CECR2: variants seen among roughly 807,000 people sequenced by gnomAD.
CECR2 encodes the protein CECR2 histone acetyl-lysine reader.
CECR2 carries 30 observed loss-of-function variants against 154.5 expected under a neutral mutation model. The observed-to-expected ratio is 0.19, with a 90% CI of 0.15 to 0.26. CECR2 has a LOEUF of 0.26. CECR2 is among the 10% of genes least tolerant of loss of function. The probability of loss-of-function intolerance (pLI) is 1.00; values close to 1 mark genes in which losing one functional copy is unlikely to be tolerated. For synonymous variants in CECR2, 725 were observed against 683.7 expected (o/e 1.06, Z -0.94); for missense variants, 1,743 against 1,829.3 (o/e 0.95, Z 0.86).
intron 1 of CECR2, among the ~76,000 whole-genome samples, chr22:17,435,586 G>T (rs775427729): frequency 6.7e-6 from 1 of 149,922 alleles, no homozygotes; most frequent in Non-Finnish European, 1.5e-5. Context: ...TGGGGAATTA[G>T]CAAGTTCTAT....
At chr22:17,518,806 C>G in intron 8 of CECR2, 1 of 335,626 alleles carries the variant, frequency 3.0e-6, no homozygotes, top group Non-Finnish European at 5.9e-6. Flanking sequence ...TCTTTTTTCA[C>G]CATTGGATAG....
chr22:17,367,435 G>T (rs1247237542), upstream of CECR2, among the ~76,000 whole-genome samples: 1 of 151,998 alleles, frequency 6.6e-6, no homozygotes, highest in Non-Finnish European at 1.5e-5. Flanking sequence ...GCTCAGGCTG[G>T]AGTGCAATGG....
intron 1 of CECR2, among the ~76,000 whole-genome samples, chr22:17,438,808 T>C (rs1314717443): frequency 2.0e-5 from 3 of 152,022 alleles, no homozygotes; most frequent in East Asian, 1.9e-4. Context: ...TTATTTCTTA[T>C]TGATTTTTCA....
At chr22:17,373,214 C>T (rs2063081064) in intron 1 of CECR2, among the ~76,000 whole-genome samples, 1 of 152,094 alleles carries the variant, frequency 6.6e-6, no homozygotes, top group South Asian at 2.1e-4. Flanking sequence ...AGGCATGTAC[C>T]AGCACACCCG....
At chr22:17,484,720 A>T (rs911323879) in intron 2 of CECR2, among the ~76,000 whole-genome samples, 1 of 152,152 alleles carries the variant, frequency 6.6e-6, no homozygotes, top group African/African-American at 2.4e-5. Context: ...TCTACTAAAA[A>T]TTCAAAAATT....
chr22:17,400,335 G>A lies in CECR2; in HGVS notation c.126+30426G>A, dbSNP rs146208625. On this transcript the variant is annotated intron_variant, in intron 1 of 18. Transcript: ENST00000262608. ...TTAAAAACAAAGCTGTCTGGGAAGG[G>A]CAGAACTTAGTGGCAGCCAGTCACT... Among the ~76,000 whole-genome samples, 365 of 152,310 alleles carry A rather than the reference G, an allele frequency of 2.4e-3. 2 individuals are homozygous for A. Among genetic ancestry groups the A allele is most frequent in the African/African-American group, 8.3e-3 (346 of 41,570 alleles).
At chr22:17,510,420 T>C (rs1213521570) in intron 7 of CECR2, among the ~76,000 whole-genome samples, 1 of 151,866 alleles carries the variant, frequency 6.6e-6, no homozygotes, top group East Asian at 1.9e-4. Flanking sequence ...CAGTGAGTTA[T>C]GATTGCACCA....
At chr22:17,410,570 C>T (rs930380429) in intron 1 of CECR2, among the ~76,000 whole-genome samples, 2 of 152,106 alleles carry the variant, frequency 1.3e-5, no homozygotes, top group Non-Finnish European at 1.5e-5. Context: ...GCCTCAGCCT[C>T]CTGAGTAGCT....
At chr22:17,369,434 C>G (rs1449382778), upstream of CECR2, 4 of 151,078 alleles carry the variant, frequency 2.6e-5, no homozygotes, top group South Asian at 6.2e-4. Flanking sequence ...CCAGGCCCCG[C>G]GTCCGGCCCC....
In CECR2 at chr22:17,404,523, G is replaced by A. The variant is rs573385738; in HGVS notation, c.126+34614G>A. On this transcript the variant is annotated intron_variant, in intron 1 of 18. Transcript: ENST00000262608. ...CCAGTAGCTGGGACTACAGGCGCCC[G>A]CCACTACGCCCGGCTAATTTTTTGT... Among the ~76,000 whole-genome samples the A allele has an allele frequency of 3.9e-3, 545 of 140,446 alleles. 35 individuals are homozygous for A. Among genetic ancestry groups the A allele is most frequent in the African/African-American group, 0.014 (510 of 35,910 alleles). The allele number at this position is 140,446 out of a possible 152,430, so 92.1% of individuals were successfully genotyped here. A position where few individuals can be genotyped will look rare whatever the true frequency, so the allele number is the denominator to read the frequency against.
intron 1 of CECR2, among the ~76,000 whole-genome samples, chr22:17,374,114 G>C (rs916477784): frequency 6.6e-6 from 1 of 152,176 alleles, no homozygotes; most frequent in Non-Finnish European, 1.5e-5. Context: ...CAAAATGGTC[G>C]TGTAGAATTA....
chr22:17,441,042 G>C (rs1390608889), intron 1 of CECR2, among the ~76,000 whole-genome samples: 1 of 152,028 alleles, frequency 6.6e-6, no homozygotes, highest in East Asian at 1.9e-4. Flanking sequence ...ACCACAACCC[G>C]GGTTCAAGTG....
chr22:17,445,227 C>T (rs1366635863), intron 1 of CECR2, among the ~76,000 whole-genome samples: 1 of 152,078 alleles, frequency 6.6e-6, no homozygotes, highest in African/African-American at 2.4e-5. Flanking sequence ...TTTGATGCAG[C>T]CAGGTGTGGT....
intron 2 of CECR2, among the ~76,000 whole-genome samples, chr22:17,479,765 CT>C (rs571664926): frequency 0.23 from 26,809 of 117,014 alleles, 2,386 homozygotes; most frequent in Non-Finnish European, 0.26. Context: ...TGTGGTCTTT[CT>C]TTTTTTTTTT....
intron 1 of CECR2, among the ~76,000 whole-genome samples, chr22:17,382,882 G>A (rs575693878): frequency 3.9e-5 from 6 of 152,042 alleles, no homozygotes; most frequent in African/African-American, 1.4e-4. Flanking sequence ...CCCCTGGGCA[G>A]CAGTGAGACC....
intron 1 of CECR2, chr22:17,428,485 T>C (rs73876433): frequency 7.7e-6 from 1 of 130,412 alleles, no homozygotes; most frequent in African/African-American, 3.1e-5. Flanking sequence ...AACTGGAATA[T>C]CTTCATAAAG....
intron 8 of CECR2, among the ~76,000 whole-genome samples, chr22:17,520,302 T>C (rs1281838604): frequency 2.0e-5 from 3 of 152,110 alleles, no homozygotes; most frequent in Non-Finnish European, 4.4e-5. Context: ...ATGTTTGATA[T>C]ATAGATATAC....
At chr22:17,376,644 GT>G (rs200420435) in intron 1 of CECR2, among the ~76,000 whole-genome samples, 14,480 of 143,630 alleles carry the variant, frequency 0.1, 905 homozygotes, top group African/African-American at 0.19. Flanking sequence ...CTTTTTTTTT[GT>G]TTTTTTTTTT....
In CECR2 at chr22:17,538,622, C is replaced by T; in HGVS notation, c.1277-18C>T. ...TTTTCCTCTGTGAGTGTGTTAAGAT[C>T]TCTTCTCTGGCTTTCAGTTCTAGAC... On this transcript the variant is annotated intron_variant, in intron 11 of 18. Transcript: ENST00000262608. The T allele has an allele frequency of 6.2e-7, 1 of 1,613,784 alleles. No individual in the cohort carries two copies. The highest frequency in any genetic ancestry group is 1.1e-5 in the South Asian group (1 of 91,082).
Sources: gnomAD v4.1 joint callset for allele counts (sites outside exome capture counted in the v4.1 genomes callset) on GRCh38, gnomAD v4.1.1 for gene constraint, MANE v1.5 for transcripts, NCBI Gene and HGNC (gene_info 2026-07-23, HGNC 2026-07-21) for gene names.